CFAP90: variants seen among roughly 807,000 people sequenced by gnomAD.
CFAP90 encodes the protein cilia- and flagella-associated protein 90.
At chr5:7,842,282 A>G in the CFAP90 span, among the ~76,000 whole-genome samples, 1 of 150,192 alleles carries the variant, frequency 6.7e-6, no homozygotes, top group South Asian at 2.1e-4. Context: ...ACTCTCCACC[A>G]TAAGGTTGGA....
At chr5:7,850,925 G>A in the CFAP90 span, 8 of 1,359,194 alleles carry the variant, frequency 5.9e-6, no homozygotes, top group Non-Finnish European at 7.6e-6. Flanking sequence ...AGGCGCCGCG[G>A]CGGGATGTAG....
At chr5:7,847,754 G>C in the CFAP90 span, among the ~76,000 whole-genome samples, 2 of 152,168 alleles carry the variant, frequency 1.3e-5, no homozygotes, top group Non-Finnish European at 2.9e-5. Context: ...CCTTTGGTTA[G>C]TTTGGTCCCA....
At chr5:7,849,913 C>G in the CFAP90 span, among the ~76,000 whole-genome samples, 7 of 152,112 alleles carry the variant, frequency 4.6e-5, no homozygotes, top group African/African-American at 1.4e-4. Flanking sequence ...AGACAGACCC[C>G]AGAGGGAGCC....
chr5:7,832,016 G>A, the CFAP90 span: 271 of 1,609,410 alleles, frequency 1.7e-4, no homozygotes, highest in Non-Finnish European at 2.2e-4. Context: ...CACTCCAACC[G>A]GCCTCTCCTG....
At chr5:7,833,375 A>G in the CFAP90 span, among the ~76,000 whole-genome samples, 3 of 133,526 alleles carry the variant, frequency 2.2e-5, no homozygotes, top group African/African-American at 8.1e-5. Context: ...ACATATATAC[A>G]CACATAATAT....
the CFAP90 span, among the ~76,000 whole-genome samples, chr5:7,836,087 A>G: frequency 6.6e-6 from 1 of 152,172 alleles, no homozygotes; most frequent in Non-Finnish European, 1.5e-5. Flanking sequence ...TCCATTTATG[A>G]GAACTCTACC....
chr5:7,835,307 T>C, the CFAP90 span: 1 of 806,824 alleles, frequency 1.2e-6, no homozygotes, highest in South Asian at 1.6e-5. Flanking sequence ...AAGTGAAGTG[T>C]AATAAAACTA....
At chr5:7,839,097 G>A in the CFAP90 span, among the ~76,000 whole-genome samples, 11 of 152,220 alleles carry the variant, frequency 7.2e-5, no homozygotes, top group African/African-American at 2.7e-4. Context: ...GCCAGAGAGA[G>A]AGCTTGTGCA....
the CFAP90 span, among the ~76,000 whole-genome samples, chr5:7,837,611 A>G: frequency 6.6e-6 from 1 of 152,202 alleles, no homozygotes; most frequent in Admixed American, 6.5e-5. Flanking sequence ...CTAGAGCATA[A>G]CGTAGCTTTG....
the CFAP90 span, chr5:7,832,093 C>T: frequency 6.6e-7 from 1 of 1,516,586 alleles, no homozygotes; most frequent in Non-Finnish European, 9.0e-7. Flanking sequence ...CTCACCCGTG[C>T]ATCCATCAGC....
chr5:7,832,685 A>C, the CFAP90 span, among the ~76,000 whole-genome samples: 384 of 152,098 alleles, frequency 2.5e-3, 2 homozygotes, highest in Non-Finnish European at 4.4e-3. Context: ...ACAGGGTTTC[A>C]CCATGTTGAC....
At chr5:7,851,023 C>CCGCCACCGTCCAG in the CFAP90 span, 1 of 1,251,848 alleles carries the variant, frequency 8.0e-7, no homozygotes, top group Non-Finnish European at 1.0e-6. Flanking sequence ...GTCCTCCATG[C>CCGCCACCGTCCAG]CGCCACCGTC....
chr5:7,841,793 T>C, the CFAP90 span, among the ~76,000 whole-genome samples: 1 of 151,726 alleles, frequency 6.6e-6, no homozygotes, highest in South Asian at 2.1e-4. Context: ...TAGGGACACA[T>C]GGGGGGTGGG....
the CFAP90 span, among the ~76,000 whole-genome samples, chr5:7,840,328 G>A: frequency 2.6e-5 from 4 of 152,110 alleles, no homozygotes; most frequent in Non-Finnish European, 5.9e-5. Flanking sequence ...CAGATGCTGT[G>A]GGTAGAGTGG....
chr5:7,835,322 T>C, the CFAP90 span: 1 of 890,454 alleles, frequency 1.1e-6, no homozygotes, highest in Non-Finnish European at 1.8e-6. Context: ...AAACTAGATA[T>C]GCCTCTATAA....
chr5:7,846,349 C>T, the CFAP90 span, among the ~76,000 whole-genome samples: 16 of 152,286 alleles, frequency 1.1e-4, no homozygotes, highest in South Asian at 6.2e-4. Context: ...AATACCCATA[C>T]GCTGGGTGAT....
At chr5:7,850,843 T>A in the CFAP90 span, 2 of 1,251,250 alleles carry the variant, frequency 1.6e-6, no homozygotes, top group Non-Finnish European at 1.0e-6. Flanking sequence ...CGCCCAGCCT[T>A]CCGGTCTCCG....
the CFAP90 span, among the ~76,000 whole-genome samples, chr5:7,850,575 G>T: frequency 1.9e-4 from 10 of 53,508 alleles, no homozygotes; most frequent in Non-Finnish European, 3.8e-4. Flanking sequence ...CCCCCAGGCT[G>T]CCTCCCCTAA....
At chr5:7,844,690 G>A in the CFAP90 span, among the ~76,000 whole-genome samples, 1 of 152,238 alleles carries the variant, frequency 6.6e-6, no homozygotes, top group South Asian at 2.1e-4. Context: ...GGAAAGGCAT[G>A]TAAGCTTATG....
Sources: gnomAD v4.1 joint callset for allele counts (sites outside exome capture counted in the v4.1 genomes callset) on GRCh38, gnomAD v4.1.1 for gene constraint, MANE v1.5 for transcripts, NCBI Gene and HGNC (gene_info 2026-07-23, HGNC 2026-07-21) for gene names.